TENT5D: variants seen among roughly 807,000 people sequenced by gnomAD.
TENT5D encodes cancer/testis antigen 112.
For missense variants in TENT5D, 191 were observed against 287.0 expected, an observed-to-expected ratio of 0.67 and a Z score of 2.42; for synonymous variants, 103 against 100.6, an observed-to-expected ratio of 1.02 and a Z score of -0.15.
chrX:80,370,358 T>G (rs1930600624), intron 3 of TENT5D, among the ~76,000 whole-genome samples: 1 of 111,782 alleles, frequency 8.9e-6, no homozygotes, highest in Non-Finnish European at 1.9e-5. Context: ...ATTATATACT[T>G]TTTTGACTTA....
chrX:80,404,029 T>C (rs578159597), intron 3 of TENT5D, among the ~76,000 whole-genome samples: 1 of 111,433 alleles, frequency 9.0e-6, no homozygotes, highest in African/African-American at 3.3e-5. Context: ...GGGTTAGAAA[T>C]AGGTAAGAGA....
chrX:80,417,965 G>C (rs1055350850), upstream of TENT5D, among the ~76,000 whole-genome samples: 8 of 110,301 alleles, frequency 7.3e-5, no homozygotes, highest in African/African-American at 2.6e-4. Context: ...AGACTTGGTC[G>C]CTTTACATAA....
At chrX:80,361,597 A>G (rs1441436046) in intron 3 of TENT5D, among the ~76,000 whole-genome samples, 1 of 111,421 alleles carries the variant, frequency 9.0e-6, no homozygotes, top group African/African-American at 3.3e-5. Flanking sequence ...CTCTCTTTAT[A>G]CTTTATTTAT....
chrX:80,426,653 A>C (rs920828188), intron 1 of TENT5D, among the ~76,000 whole-genome samples: 3 of 112,325 alleles, frequency 2.7e-5, no homozygotes, highest in Non-Finnish European at 5.6e-5. Context: ...GTTTTTCCAC[A>C]GTTTGCTTAA....
At position 80,445,196 on chromosome X, in the gene TENT5D, C is replaced by A. The variant is rs146467267; in HGVS notation, c.*1487C>A. On this transcript the variant is annotated 3_prime_UTR_variant, in exon 3 of 3. Transcript: ENST00000308293. ...TTTATACCACAGCACAAGTGGCCAT[C>A]AGTATATTTTTAAAGAATTATATAT... is the stretch of plus-strand genomic sequence containing the variant. 264 of 122,769 alleles carry A rather than the reference C, an allele frequency of 2.2e-3. 2 individuals carry two copies. Among genetic ancestry groups the A allele is most frequent in the Admixed American group, 2.7e-3 (28 of 10,469 alleles). The allele number at this position is 122,769 out of a possible 1,213,427, so 10.1% of individuals were successfully genotyped here. A position where few individuals can be genotyped will look rare whatever the true frequency, so the allele number is the denominator to read the frequency against.
chrX:80,343,256 C>T (rs1929994837), intron 3 of TENT5D, among the ~76,000 whole-genome samples: 1 of 111,602 alleles, frequency 9.0e-6, no homozygotes, highest in African/African-American at 3.3e-5. Context: ...ATTGAACATT[C>T]AGAGTGGTGC....
intron 3 of TENT5D, among the ~76,000 whole-genome samples, chrX:80,342,796 C>T (rs1344666373): frequency 9.0e-6 from 1 of 111,583 alleles, no homozygotes. Flanking sequence ...TTTCAATAAG[C>T]AGTTGTTCAA....
chrX:80,394,758 A>G (rs1931210091), intron 3 of TENT5D, among the ~76,000 whole-genome samples: 1 of 111,119 alleles, frequency 9.0e-6, no homozygotes, highest in East Asian at 2.8e-4. Context: ...ATAATTGTAC[A>G]TGTTTGTAGG....
At chrX:80,397,461 G>A (rs1931297603) in intron 3 of TENT5D, among the ~76,000 whole-genome samples, 1 of 108,379 alleles carries the variant, frequency 9.2e-6, no homozygotes, top group African/African-American at 3.4e-5. Flanking sequence ...CAGCCAGGCA[G>A]AGGGGCTCCT....
At chrX:80,412,302 G>T (rs889045540) in intron 3 of TENT5D, among the ~76,000 whole-genome samples, 10 of 112,323 alleles carry the variant, frequency 8.9e-5, no homozygotes. Flanking sequence ...CTGGGCCCCC[G>T]GGCCTGTGAT....
chrX:80,445,285 T>G (rs1366024076), exon 3 of TENT5D: 1 of 122,775 alleles, frequency 8.1e-6, no homozygotes, highest in African/African-American at 3.2e-5. Context: ...AATTTGTAAT[T>G]ACAATAAAAT....
intron 1 of TENT5D, among the ~76,000 whole-genome samples, chrX:80,422,639 C>A (rs1260542743): frequency 9.0e-6 from 1 of 111,198 alleles, no homozygotes; most frequent in African/African-American, 3.3e-5. Flanking sequence ...GTTTTAATGT[C>A]TGAGAGGGTG....
At chrX:80,362,069 G>A (rs1380283337) in intron 3 of TENT5D, among the ~76,000 whole-genome samples, 1 of 111,398 alleles carries the variant, frequency 9.0e-6, no homozygotes, top group Admixed American at 9.6e-5. Flanking sequence ...ACTTAAATAT[G>A]AGAATATGTG....
At chrX:80,426,325 GC>G in intron 1 of TENT5D, among the ~76,000 whole-genome samples, 1 of 111,207 alleles carries the variant, frequency 9.0e-6, no homozygotes. Flanking sequence ...AAAATCAAAA[GC>G]CTTTTATTAG....
chrX:80,431,961 GAGATAAATAGGTTTTC>G (rs1238901216), intron 1 of TENT5D, among the ~76,000 whole-genome samples: 2 of 111,220 alleles, frequency 1.8e-5, no homozygotes, highest in African/African-American at 3.3e-5. Context: ...CTATTGTTGG[GAGATAAATAGGTTTTC>G]AGATAAATAG....
At chrX:80,435,801 C>A (rs1170007936) in intron 1 of TENT5D, among the ~76,000 whole-genome samples, 1 of 112,235 alleles carries the variant, frequency 8.9e-6, no homozygotes, top group Non-Finnish European at 1.9e-5. Context: ...TTAGTTCTTT[C>A]TTTTGTAAGC....
chrX:80,422,146 G>T (rs1931898490), intron 1 of TENT5D, among the ~76,000 whole-genome samples: 1 of 111,660 alleles, frequency 9.0e-6, no homozygotes, highest in African/African-American at 3.3e-5. Flanking sequence ...GAATCCATAT[G>T]ATTCCTTCTT....
intron 3 of TENT5D, among the ~76,000 whole-genome samples, chrX:80,355,736 T>C (rs1930270003): frequency 8.9e-6 from 1 of 111,924 alleles, no homozygotes; most frequent in African/African-American, 3.2e-5. Flanking sequence ...GGTTCCCAGC[T>C]TCCTCCCTTT....
chrX:80,340,084 A>T (rs1383202307), intron 2 of TENT5D, among the ~76,000 whole-genome samples: 1 of 111,327 alleles, frequency 9.0e-6, no homozygotes, highest in East Asian at 2.8e-4. Context: ...ATTATTACAG[A>T]TACTTTAGGG....
Sources: allele counts gnomAD v4.1 joint callset (sites outside exome capture counted in the v4.1 genomes callset), GRCh38; gene constraint gnomAD v4.1.1; transcripts MANE v1.5; gene names NCBI Gene and HGNC (gene_info 2026-07-23, HGNC 2026-07-21).